CALN1: variants seen among roughly 807,000 people sequenced by gnomAD.
The protein encoded by CALN1 is calneuron 1, also known as calcium-binding protein 8.
CALN1 carries 17 observed loss-of-function variants against 30.6 expected under a neutral mutation model. That is an observed-to-expected ratio of 0.56 (90% CI 0.38 to 0.83). The LOEUF (loss-of-function observed/expected upper bound fraction) is 0.83. Ranked by LOEUF, CALN1 falls within the 40% of genes least tolerant of loss-of-function variation. The pLI, the probability that CALN1 is intolerant of heterozygous loss-of-function variation, is 0.00. For synonymous variants in CALN1, 156 were observed against 131.4 expected (o/e 1.19, Z -1.28); for missense variants, 291 against 354.9 (o/e 0.82, Z 1.45).
chr7:72,139,169 C>T (rs923396038), intron 3 of CALN1, among the ~76,000 whole-genome samples: 1 of 152,230 alleles, frequency 6.6e-6, no homozygotes, highest in African/African-American at 2.4e-5. Flanking sequence ...CAGGCCAGAG[C>T]CCATGGGCAT....
intron 3 of CALN1, among the ~76,000 whole-genome samples, chr7:72,255,295 G>A (rs1281961765): frequency 2.0e-5 from 3 of 151,844 alleles, no homozygotes; most frequent in Admixed American, 6.6e-5. Context: ...GTTTCACCAC[G>A]TTAGCCAAGC....
At chr7:71,945,184 C>G (rs1796343212) in intron 5 of CALN1, among the ~76,000 whole-genome samples, 1 of 150,616 alleles carries the variant, frequency 6.6e-6, no homozygotes. Context: ...TTCCCTTCCA[C>G]CATGAATAAA....
At chr7:71,900,873 G>A (rs988125335) in intron 5 of CALN1, among the ~76,000 whole-genome samples, 5 of 152,200 alleles carry the variant, frequency 3.3e-5, no homozygotes, top group Admixed American at 6.5e-5. Context: ...TCCGACATAT[G>A]TAGTAGCATG....
At chr7:72,468,263 A>G in the CALN1 span, among the ~76,000 whole-genome samples, 2 of 152,302 alleles carry the variant, frequency 1.3e-5, 1 homozygote, top group Middle Eastern at 6.8e-3. Context: ...GCATATTCCT[A>G]AGAGGGGAAT....
At chr7:72,016,359 A>G (rs942551704) in intron 5 of CALN1, among the ~76,000 whole-genome samples, 1 of 151,774 alleles carries the variant, frequency 6.6e-6, no homozygotes, top group Non-Finnish European at 1.5e-5. Flanking sequence ...TGTATGTAAT[A>G]TTTCCTTCAC....
At chr7:71,971,731 C>T in intron 5 of CALN1, among the ~76,000 whole-genome samples, 1 of 151,272 alleles carries the variant, frequency 6.6e-6, no homozygotes, top group Non-Finnish European at 1.5e-5. Context: ...AACCCCGTCT[C>T]TACAAAAAAG....
intron 3 of CALN1, among the ~76,000 whole-genome samples, chr7:72,182,141 C>T (rs1044740165): frequency 1.3e-5 from 2 of 152,122 alleles, no homozygotes; most frequent in African/African-American, 4.8e-5. Flanking sequence ...AAGGTGAGCC[C>T]TAGAATGCCG....
At chr7:72,169,582 C>CA (rs1788792600) in intron 3 of CALN1, among the ~76,000 whole-genome samples, 1 of 151,720 alleles carries the variant, frequency 6.6e-6, no homozygotes, top group African/African-American at 2.4e-5. Context: ...CTCAGCCTCT[C>CA]AAAGTGCTGA....
chr7:72,201,844 T>C (rs1309348292), intron 3 of CALN1, among the ~76,000 whole-genome samples: 1 of 151,416 alleles, frequency 6.6e-6, no homozygotes. Flanking sequence ...GCCTTAGAAG[T>C]GGAACTCACC....
chr7:72,129,367 G>A (rs1808981899), intron 3 of CALN1, among the ~76,000 whole-genome samples: 1 of 152,080 alleles, frequency 6.6e-6, no homozygotes, highest in African/African-American at 2.4e-5. Context: ...TCCACCTCTA[G>A]AAATGTATTA....
In CALN1 at chr7:72,205,552, A is replaced by AATATATACAT. The variant is rs56708580; in HGVS notation, c.244+73133_244+73134insATGTATATAT. On this transcript the variant is annotated intron_variant, in intron 3 of 6. Coordinates refer to ENST00000395275, the MANE Select transcript of CALN1 (RefSeq NM_031468.4). The stretch of plus-strand genomic sequence containing the variant: ...TTTTTCTCCTGATTGCAAAAAAAAA[A>AATATATACAT]TATATATATATATATGTATATATAT... Among the ~76,000 whole-genome samples the AATATATACAT allele has an allele frequency of 3.1e-5, 2 of 64,814 alleles. 1 individual carries two copies. Among genetic ancestry groups the AATATATACAT allele is most frequent in the East Asian group, 7.4e-3 (2 of 272 alleles). The allele number at this position is 64,814 out of a possible 152,430, so 42.5% of individuals were successfully genotyped here.
chr7:72,183,158 G>C (rs1445697027), intron 3 of CALN1, among the ~76,000 whole-genome samples: 1 of 152,068 alleles, frequency 6.6e-6, no homozygotes, highest in African/African-American at 2.4e-5. Flanking sequence ...CTGCCTCCCT[G>C]GTTCAAGCGA....
intron 5 of CALN1, among the ~76,000 whole-genome samples, chr7:72,013,247 A>ATTT (rs1025112311): frequency 0.019 from 1,729 of 92,928 alleles, 151 homozygotes; most frequent in African/African-American, 0.069. Flanking sequence ...CTAATTTGAG[A>ATTT]TTTTTTTTTT....
intron 5 of CALN1, among the ~76,000 whole-genome samples, chr7:71,863,545 TA>T (rs1292038952): frequency 9.5e-5 from 4 of 42,220 alleles, no homozygotes; most frequent in African/African-American, 1.5e-4. Flanking sequence ...GCAACAGAAC[TA>T]AACTCCATCT....
chr7:71,938,875 G>A (rs926466730), intron 5 of CALN1, among the ~76,000 whole-genome samples: 2 of 152,140 alleles, frequency 1.3e-5, no homozygotes, highest in Non-Finnish European at 2.9e-5. Context: ...GATAGCAGGA[G>A]GGGGCCATGA....
At chr7:72,248,448 GC>G (rs909645216) in intron 3 of CALN1, among the ~76,000 whole-genome samples, 3 of 152,044 alleles carry the variant, frequency 2.0e-5, no homozygotes, top group Admixed American at 6.6e-5. Flanking sequence ...TTGGCTCATG[GC>G]CCCTTCCACC....
intron 3 of CALN1, among the ~76,000 whole-genome samples, chr7:72,143,754 C>T (rs1810134030): frequency 6.6e-6 from 1 of 152,130 alleles, no homozygotes; most frequent in Non-Finnish European, 1.5e-5. Flanking sequence ...AAAGGGAAGC[C>T]CATCAGACTA....
intron 5 of CALN1, among the ~76,000 whole-genome samples, chr7:72,014,135 G>T (rs1800246089): frequency 6.8e-6 from 1 of 146,856 alleles, no homozygotes; most frequent in Non-Finnish European, 1.5e-5. Context: ...TGCCTAGGCT[G>T]GAGTACAGTG....
rs1162905648 is a variant in CALN1 at position 71,922,533 on chromosome 7, TTATA to T, written c.501+101120_501+101123del. 5.8e-5 allele frequency among the ~76,000 whole-genome samples: 8 copies of T among 138,178 alleles called. No homozygotes were observed. The East Asian group carries it at 8.0e-4, about 14-fold the overall frequency. 90.7% of individuals were successfully genotyped at this position (138,178 alleles called of 152,430 possible). A position where few individuals can be genotyped will look rare whatever the true frequency, so the allele number is the denominator to read the frequency against. On this transcript the variant is annotated intron_variant, in intron 5 of 6. Transcript: ENST00000395275. ...CACAATATATAACACACAGAATATA[TTATA>T]TATAAATATATAACACACAGATTAT...
Sources: allele counts gnomAD v4.1 joint callset (sites outside exome capture counted in the v4.1 genomes callset), GRCh38; gene constraint gnomAD v4.1.1; transcripts MANE v1.5; gene names NCBI Gene and HGNC (gene_info 2026-07-23, HGNC 2026-07-21).